The following FRMPD4 variants were observed in gnomAD, a reference collection of about 807,000 sequenced individuals.
FRMPD4 encodes FERM and PDZ domain containing 4, also known as FERM and PDZ domain-containing protein 4.
A neutral mutation model predicts 94.1 loss-of-function variants in FRMPD4; 22 were observed. The ratio of observed to expected loss-of-function variants is 0.23; its 90% CI spans 0.17 to 0.33. The LOEUF (loss-of-function observed/expected upper bound fraction) is 0.33. Among genes scored for constraint, FRMPD4 ranks in the 10% least tolerant of loss-of-function variants. The pLI, the probability that FRMPD4 is intolerant of heterozygous loss-of-function variation, is 1.00. For synonymous variants in FRMPD4, 631 were observed against 548.6 expected (o/e 1.15, Z -2.10); for missense variants, 1,111 against 1,339.9 (o/e 0.83, Z 2.67).
At chrX:12,602,878 T>C (rs1325166170) in intron 2 of FRMPD4, among the ~76,000 whole-genome samples, 1 of 111,979 alleles carries the variant, frequency 8.9e-6, no homozygotes, top group Non-Finnish European at 1.9e-5. Flanking sequence ...ACGTCTGGGC[T>C]CCATCATGGG....
intron 1 of FRMPD4, among the ~76,000 whole-genome samples, chrX:11,861,771 G>A (rs1292030341): frequency 8.9e-6 from 1 of 111,980 alleles, no homozygotes; most frequent in African/African-American, 3.2e-5. Context: ...AGAGCATGGT[G>A]AGGATAAGAG....
chrX:12,016,598 T>G (rs1166714191), intron 3 of FRMPD4, among the ~76,000 whole-genome samples: 1 of 111,883 alleles, frequency 8.9e-6, no homozygotes, highest in Non-Finnish European at 1.9e-5. Flanking sequence ...AAAGGAAGGT[T>G]AGCTAAAGGA....
At chrX:11,878,291 G>T (rs999757471) in intron 3 of FRMPD4, among the ~76,000 whole-genome samples, 14 of 112,134 alleles carry the variant, frequency 1.2e-4, no homozygotes, top group African/African-American at 4.5e-4. Context: ...TATTTCCTTA[G>T]GAATAAATGT....
intron 3 of FRMPD4, among the ~76,000 whole-genome samples, chrX:12,097,285 C>A (rs144245596): frequency 0.03 from 3,355 of 111,591 alleles, 60 homozygotes; most frequent in African/African-American, 0.059. Context: ...TGCATTCAGG[C>A]CTGCTGAATG....
At chrX:12,683,081 C>T (rs1430365025) in intron 5 of FRMPD4, among the ~76,000 whole-genome samples, 4 of 112,052 alleles carry the variant, frequency 3.6e-5, no homozygotes, top group African/African-American at 6.5e-5. Context: ...AATGGCTCTT[C>T]TCCACCTCAT....
At chrX:12,118,596 G>T (rs1041228822) in intron 3 of FRMPD4, among the ~76,000 whole-genome samples, 1 of 111,620 alleles carries the variant, frequency 9.0e-6, no homozygotes, top group African/African-American at 3.3e-5. Context: ...GCAGGGACAG[G>T]CTTGTCTCCA....
At chrX:12,082,565 A>C (rs1034840876) in intron 3 of FRMPD4, among the ~76,000 whole-genome samples, 15 of 111,778 alleles carry the variant, frequency 1.3e-4, no homozygotes, top group Non-Finnish European at 2.3e-4. Flanking sequence ...GATACCCAAA[A>C]ATGTGGAAGT....
chrX:11,856,699 C>T (rs1237573777), intron 1 of FRMPD4, among the ~76,000 whole-genome samples: 1 of 111,888 alleles, frequency 8.9e-6, no homozygotes, highest in Admixed American at 9.5e-5. Flanking sequence ...ATTGAAAGTT[C>T]TGGTCTGGAC....
intron 1 of FRMPD4, among the ~76,000 whole-genome samples, chrX:12,156,710 CAATT>C (rs10557069): frequency 0.049 from 5,518 of 111,799 alleles, 212 homozygotes; most frequent in African/African-American, 0.13. Flanking sequence ...AGATAATACA[CAATT>C]AAGTAATTGA....
intron 3 of FRMPD4, among the ~76,000 whole-genome samples, chrX:11,944,907 T>C (rs2054180771): frequency 1.8e-5 from 2 of 112,290 alleles, no homozygotes; most frequent in Admixed American, 1.9e-4. Context: ...AACTGGAAAA[T>C]AAATCCTCTG....
chrX:12,015,604 T>A (rs1487772188), intron 3 of FRMPD4, among the ~76,000 whole-genome samples: 2 of 112,501 alleles, frequency 1.8e-5, no homozygotes, highest in African/African-American at 6.5e-5. Flanking sequence ...CCATGTAAAA[T>A]CTACATTTCC....
At chrX:12,080,189 A>T (rs2055051248) in intron 3 of FRMPD4, among the ~76,000 whole-genome samples, 1 of 112,200 alleles carries the variant, frequency 8.9e-6, no homozygotes, top group Admixed American at 9.4e-5. Context: ...TTCTTGCTTT[A>T]CTTTGATTAC....
In FRMPD4 at chrX:11,962,558, AG is replaced by A. The variant is rs763054887; in HGVS notation, c.95+84544del. Among the ~76,000 whole-genome samples the A allele has an allele frequency of 4.5e-5, 5 of 112,041 alleles. No individual in the cohort carries two copies. The East Asian group carries it at 1.1e-3, about 25-fold the overall frequency. On this transcript the variant is annotated intron_variant, in intron 3 of 18. Transcript: ENST00000640291. ...GTCTCTGGGACCAACACCTTTGAGG[AG>A]GGGCACTGCTCAGCCACAGGAACAA... is the stretch of plus-strand genomic sequence containing the variant.
At chrX:12,402,212 G>T (rs892598339) in intron 1 of FRMPD4, among the ~76,000 whole-genome samples, 2 of 110,419 alleles carry the variant, frequency 1.8e-5, no homozygotes, top group Non-Finnish European at 3.8e-5. Flanking sequence ...TGTAACCCTG[G>T]CTTTCTCTAT....
intron 1 of FRMPD4, among the ~76,000 whole-genome samples, chrX:12,325,765 T>G (rs891554223): frequency 8.9e-6 from 1 of 112,060 alleles, no homozygotes; most frequent in African/African-American, 3.2e-5. Context: ...CATACTGAAG[T>G]AGAATCTACA....
intron 3 of FRMPD4, among the ~76,000 whole-genome samples, chrX:12,101,866 A>G (rs1038335655): frequency 1.8e-5 from 2 of 112,009 alleles, no homozygotes; most frequent in African/African-American, 6.5e-5. Context: ...GAATAAATGT[A>G]TGTTTACACA....
At position 12,546,444 on chromosome X, in the gene FRMPD4, C is replaced by T. The variant is rs762874489; in HGVS notation, c.158+47648C>T. On this transcript the variant is annotated intron_variant, in intron 2 of 16. Coordinates refer to ENST00000675598, the MANE Select transcript of FRMPD4 (RefSeq NM_001368397.1). ...CCACCTGCCTTGGCCTCCCAAAGTGCTGGGATTACAGGCATGAGCCACTGT... is the reference window on the plus strand; with the variant it reads ...CCACCTGCCTTGGCCTCCCAAAGTGTTGGGATTACAGGCATGAGCCACTGT... 3.6e-5 allele frequency among the ~76,000 whole-genome samples: 4 copies of T among 112,377 alleles called. No homozygotes were observed. The East Asian group carries it at 1.1e-3, about 31-fold the overall frequency.
chrX:12,232,446 CTA>C (rs1337754326), intron 1 of FRMPD4, among the ~76,000 whole-genome samples: 1 of 110,766 alleles, frequency 9.0e-6, no homozygotes, highest in Non-Finnish European at 1.9e-5. Context: ...TGAGAACTTA[CTA>C]TCTCGAGAAC....
At chrX:12,532,295 A>T (rs767134305) in intron 2 of FRMPD4, among the ~76,000 whole-genome samples, 3 of 111,943 alleles carry the variant, frequency 2.7e-5, no homozygotes, top group African/African-American at 9.7e-5. Flanking sequence ...AATTATGTAG[A>T]GGCCAACTCA....
Sources: allele counts gnomAD v4.1 joint callset (sites outside exome capture counted in the v4.1 genomes callset), GRCh38; gene constraint gnomAD v4.1.1; transcripts MANE v1.5; gene names NCBI Gene and HGNC (gene_info 2026-07-23, HGNC 2026-07-21).